Variants in FBXO16 observed in about 807,000 individuals in gnomAD.
FBXO16 encodes the protein F-box only protein 16.
In FBXO16, 31 loss-of-function variants were observed where a neutral mutation model predicts 41.0. The ratio of observed to expected loss-of-function variants is 0.76; its 90% CI spans 0.57 to 1.02. The LOEUF (loss-of-function observed/expected upper bound fraction) is 1.02, where lower values mean the gene tolerates loss of function less well. FBXO16 is among the 50% of genes least tolerant of loss of function. The pLI is 0.00. For missense variants in FBXO16, 361 were observed against 346.2 expected (o/e 1.04, Z -0.34); for synonymous variants, 133 against 117.8 (o/e 1.13, Z -0.84).
In FBXO16 at chr8:28,456,845, G is replaced by A. The variant is rs1477330399; in HGVS notation, c.428C>T (p.Ser143Phe). The A allele has an allele frequency of 1.2e-6, 2 of 1,613,994 alleles. No individual in the cohort carries two copies. Among genetic ancestry groups the A allele is most frequent in the Non-Finnish European group, 1.7e-6 (2 of 1,180,008 alleles). Residue 143 changes from serine (S) to phenylalanine (F), a missense_variant, in exon 5 of 9, where the codon TCT (serine) becomes TTT (phenylalanine). Ser to Phe is a radical substitution (Grantham distance 155). Coordinates refer to ENST00000380254, the MANE Select transcript of FBXO16 (RefSeq NM_172366.4). The stretch of plus-strand genomic sequence containing the variant: ...GATCCCCTGCTCAAAGGGAGTTGGA[G>A]AGAAATTGATGTACCAGTTAAACCG... Reference protein sequence around the residue: ...CLRFNWYINFSPTPFEQGIWK... With the variant: ...CLRFNWYINFFPTPFEQGIWK...
intron 5 of FBXO16, 36 bp downstream of exon 5, chr8:28,456,730 T>A: frequency 6.2e-7 from 1 of 1,606,778 alleles, no homozygotes; most frequent in Non-Finnish European, 8.5e-7. Context: ...AAAGAGCCAA[T>A]GTTTGCAAGC....
chr8:28,439,378 T>C (rs554141744), intron 7 of FBXO16, among the ~76,000 whole-genome samples: 120 of 152,290 alleles, frequency 7.9e-4, no homozygotes, highest in African/African-American at 2.7e-3. Flanking sequence ...TTGAATTAAA[T>C]AGTTAAAAAC....
intron 1 of FBXO16, among the ~76,000 whole-genome samples, chr8:28,489,930 A>G (rs1803663826): frequency 6.6e-6 from 1 of 152,262 alleles, no homozygotes; most frequent in South Asian, 2.1e-4. Flanking sequence ...GTAGATTTCA[A>G]TACGAATTCA....
intron 5 of FBXO16, among the ~76,000 whole-genome samples, chr8:28,456,212 C>A (rs942348695): frequency 2.0e-5 from 3 of 151,888 alleles, no homozygotes; most frequent in Non-Finnish European, 4.4e-5. Context: ...AAAAAAAATT[C>A]TTGCATTATT....
intron 2 of FBXO16, among the ~76,000 whole-genome samples, chr8:28,482,720 A>G (rs1329151141): frequency 6.7e-6 from 1 of 148,298 alleles, no homozygotes; most frequent in African/African-American, 2.5e-5. Flanking sequence ...ACAGGTACAC[A>G]CCACCACGCC....
intron 1 of FBXO16, among the ~76,000 whole-genome samples, chr8:28,488,136 C>T (rs1054779035): frequency 7.9e-5 from 12 of 152,088 alleles, no homozygotes; most frequent in South Asian, 2.1e-4. Flanking sequence ...CAGGCATGAG[C>T]CACTGCGCCC....
chr8:28,432,969 G>A (rs1802630213), intron 7 of FBXO16, among the ~76,000 whole-genome samples: 1 of 151,770 alleles, frequency 6.6e-6, no homozygotes, highest in Non-Finnish European at 1.5e-5. Context: ...GCCGAGACAG[G>A]AGAATCACTT....
chr8:28,440,568 C>A (rs554768324), intron 7 of FBXO16, among the ~76,000 whole-genome samples: 5 of 152,096 alleles, frequency 3.3e-5, no homozygotes, highest in Admixed American at 2.0e-4. Context: ...GGTTCCCCCC[C>A]ACCCCTTTTG....
chr8:28,435,009 T>G (rs904824336), intron 7 of FBXO16, among the ~76,000 whole-genome samples: 6 of 152,176 alleles, frequency 3.9e-5, no homozygotes, highest in African/African-American at 1.4e-4. Flanking sequence ...AGCAGCTCAG[T>G]CGGCCCCTGG....
intron 2 of FBXO16, among the ~76,000 whole-genome samples, chr8:28,482,559 GTTGTTGTTGTTCTTA>G (rs1803531535): frequency 6.6e-6 from 1 of 151,896 alleles, no homozygotes; most frequent in Non-Finnish European, 1.5e-5. Flanking sequence ...AAACGTCTTT[GTTGTTGTTGTTCTTA>G]TTGTTGTTGT....
intron 4 of FBXO16, 139 bp from the exon 5 acceptor site, chr8:28,457,069 T>C (rs1477511620): frequency 8.8e-6 from 7 of 798,964 alleles, no homozygotes; most frequent in South Asian, 6.3e-5. Flanking sequence ...ATAGCTTAAA[T>C]GGTTACCTCC....
chr8:28,466,712 G>A (rs139059396), intron 3 of FBXO16, among the ~76,000 whole-genome samples: 8 of 152,176 alleles, frequency 5.3e-5, no homozygotes, highest in East Asian at 1.9e-4. Context: ...GAAGAATGGC[G>A]ATAAAGAGCC....
At position 28,447,267 on chromosome 8, in the gene FBXO16, TC is replaced by T. The variant is rs1351221651; in HGVS notation, c.746del (p.Arg249LysfsTer6). On this transcript the variant is annotated frameshift_variant, in exon 7 of 9. Coordinates refer to ENST00000380254, the MANE Select transcript of FBXO16 (RefSeq NM_172366.4). LOFTEE classifies it high-confidence loss of function. ...AGTCTGGGGTCATTTGGTTTCTTTT[TC>T]TTCTTCTGTAAATTGGAAAGCAGTG... ...DPMETVQQGR[R>X]KRNQMTPDFS... 6.2e-7 allele frequency: 1 copy of T among 1,611,766 alleles called. No individual in the cohort carries two copies. The highest frequency in any genetic ancestry group is 8.5e-7 in the Non-Finnish European group (1 of 1,179,482).
intron 7 of FBXO16, among the ~76,000 whole-genome samples, chr8:28,432,987 G>C (rs1003398153): frequency 2.6e-5 from 4 of 151,646 alleles, no homozygotes; most frequent in African/African-American, 9.7e-5. Flanking sequence ...CTTGAACTTG[G>C]GAGGCGGAGG....
chr8:28,464,746 T>A (rs933218104), intron 3 of FBXO16, among the ~76,000 whole-genome samples: 1 of 152,120 alleles, frequency 6.6e-6, no homozygotes, highest in Non-Finnish European at 1.5e-5. Context: ...CTCCACCTCC[T>A]GGGTTCAAGT....
chr8:28,435,596 G>A (rs1802676073), intron 7 of FBXO16, among the ~76,000 whole-genome samples: 1 of 152,154 alleles, frequency 6.6e-6, no homozygotes, highest in African/African-American at 2.4e-5. Flanking sequence ...CTGGGTCAGG[G>A]CTTTTTATGG....
chr8:28,476,142 C>T (rs984835776), intron 2 of FBXO16, among the ~76,000 whole-genome samples: 7 of 152,130 alleles, frequency 4.6e-5, no homozygotes, highest in African/African-American at 1.7e-4. Flanking sequence ...GATGGTGTGG[C>T]CCACTGGAAA....
At chr8:28,487,175 G>C (rs1038198033) in intron 1 of FBXO16, among the ~76,000 whole-genome samples, 3 of 152,036 alleles carry the variant, frequency 2.0e-5, no homozygotes, top group African/African-American at 7.2e-5. Flanking sequence ...CCTGCTTGAA[G>C]ATGGGTTTTC....
At chr8:28,467,817 A>G (rs1261381171) in intron 3 of FBXO16, among the ~76,000 whole-genome samples, 1 of 152,228 alleles carries the variant, frequency 6.6e-6, no homozygotes, top group East Asian at 1.9e-4. Context: ...TTAAAAAGAT[A>G]ATTACATTGG....
Sources: allele counts gnomAD v4.1 joint callset (sites outside exome capture counted in the v4.1 genomes callset), GRCh38; gene constraint gnomAD v4.1.1; transcripts MANE v1.5; gene names NCBI Gene and HGNC (gene_info 2026-07-23, HGNC 2026-07-21).